GARIN1A: variants seen among roughly 807,000 people sequenced by gnomAD.
GARIN1A encodes Golgi-associated RAB2 interactor protein 1A.
chr7:128,677,019 C>T, the GARIN1A span, among the ~76,000 whole-genome samples: 5 of 151,580 alleles, frequency 3.3e-5, no homozygotes, highest in South Asian at 6.3e-4. Flanking sequence ...CCAAAAAATA[C>T]CAAAAAAATT....
the GARIN1A span, among the ~76,000 whole-genome samples, chr7:128,678,507 A>T: frequency 1.3e-5 from 2 of 152,018 alleles, no homozygotes; most frequent in African/African-American, 4.8e-5. Context: ...CTCACCAATC[A>T]TATGAGTGTC....
At chr7:128,705,930 C>A in the GARIN1A span, among the ~76,000 whole-genome samples, 1 of 152,052 alleles carries the variant, frequency 6.6e-6, no homozygotes, top group Non-Finnish European at 1.5e-5. Context: ...GTTGGGATTA[C>A]AGGTGTGAGC....
At chr7:128,672,658 C>CG in the GARIN1A span, 4 of 117,064 alleles carry the variant, frequency 3.4e-5, no homozygotes, top group East Asian at 3.6e-4. Context: ...GAGGGGGGGG[C>CG]GGGGGGACAA....
the GARIN1A span, among the ~76,000 whole-genome samples, chr7:128,688,789 C>CTCCT: frequency 2.0e-5 from 1 of 49,108 alleles, no homozygotes; most frequent in African/African-American, 6.5e-5. Flanking sequence ...CCTCCCCCTC[C>CTCCT]CCCCTCCCTC....
At chr7:128,672,316 A>G in the GARIN1A span, 4 of 1,222,234 alleles carry the variant, frequency 3.3e-6, no homozygotes, top group Non-Finnish European at 4.6e-6. Flanking sequence ...AGGTGGGGGC[A>G]GATCACATCA....
At chr7:128,704,900 C>T in the GARIN1A span, among the ~76,000 whole-genome samples, 1 of 152,154 alleles carries the variant, frequency 6.6e-6, no homozygotes. Flanking sequence ...AATTCTGAAA[C>T]TACATTACAT....
At chr7:128,690,615 A>G in the GARIN1A span, 1 of 152,102 alleles carries the variant, frequency 6.6e-6, no homozygotes, top group African/African-American at 2.4e-5. Context: ...TCATACATGC[A>G]ATTAAAAATT....
At chr7:128,688,328 C>G in the GARIN1A span, among the ~76,000 whole-genome samples, 1 of 152,118 alleles carries the variant, frequency 6.6e-6, no homozygotes, top group Non-Finnish European at 1.5e-5. Context: ...TTCTTCCTTA[C>G]CTTTGTATCA....
At chr7:128,677,424 G>T in the GARIN1A span, 4 of 912,714 alleles carry the variant, frequency 4.4e-6, no homozygotes, top group Non-Finnish European at 6.1e-6. Flanking sequence ...GGAGAATGGC[G>T]TGAACCCCGG....
At chr7:128,706,485 A>T in the GARIN1A span, among the ~76,000 whole-genome samples, 1 of 149,290 alleles carries the variant, frequency 6.7e-6, no homozygotes, top group African/African-American at 2.5e-5. Context: ...ATATATCTCC[A>T]TCTCTCTCTC....
chr7:128,682,943 A>C, the GARIN1A span: 4 of 1,543,548 alleles, frequency 2.6e-6, no homozygotes, highest in Non-Finnish European at 3.5e-6. Flanking sequence ...AATAACCCCA[A>C]AATTCCCTGG....
chr7:128,702,808 CT>C, the GARIN1A span, among the ~76,000 whole-genome samples: 1 of 152,104 alleles, frequency 6.6e-6, no homozygotes, highest in African/African-American at 2.4e-5. Context: ...TACAAGAAAT[CT>C]TTTTTAAAAA....
chr7:128,689,581 G>C, the GARIN1A span, among the ~76,000 whole-genome samples: 1 of 147,510 alleles, frequency 6.8e-6, no homozygotes, highest in Non-Finnish European at 1.5e-5. Context: ...GAGAAGTGAG[G>C]AGCCCCTCCG....
At chr7:128,679,412 C>T in the GARIN1A span, among the ~76,000 whole-genome samples, 9 of 152,104 alleles carry the variant, frequency 5.9e-5, no homozygotes, top group Admixed American at 3.9e-4. Context: ...AGGATGGTCT[C>T]GATCTCTTGA....
At chr7:128,700,258 G>GTTTGT in the GARIN1A span, among the ~76,000 whole-genome samples, 2 of 149,040 alleles carry the variant, frequency 1.3e-5, no homozygotes, top group Admixed American at 6.7e-5. Context: ...ATTTAGTAAG[G>GTTTGT]TTTGTTTTGT....
the GARIN1A span, among the ~76,000 whole-genome samples, chr7:128,700,480 A>C: frequency 6.6e-6 from 1 of 151,922 alleles, no homozygotes; most frequent in East Asian, 1.9e-4. Flanking sequence ...GGGTTTCACT[A>C]TGTTGGCCAG....
At chr7:128,692,531 C>T in the GARIN1A span, among the ~76,000 whole-genome samples, 1 of 152,168 alleles carries the variant, frequency 6.6e-6, no homozygotes, top group Non-Finnish European at 1.5e-5. Context: ...GTTAATTATG[C>T]TCCACCAGGA....
chr7:128,700,576 G>A, the GARIN1A span, among the ~76,000 whole-genome samples: 3,021 of 152,190 alleles, frequency 0.02, 46 homozygotes, highest in South Asian at 0.053. Flanking sequence ...CACGGTGCCC[G>A]GCCTTAGTAA....
the GARIN1A span, among the ~76,000 whole-genome samples, chr7:128,676,136 G>T: frequency 2.0e-5 from 3 of 150,928 alleles, no homozygotes; most frequent in Non-Finnish European, 4.4e-5. Flanking sequence ...TCACCGAGTA[G>T]CTGGGACTAC....
Sources: gnomAD v4.1 joint callset for allele counts (sites outside exome capture counted in the v4.1 genomes callset) on GRCh38, gnomAD v4.1.1 for gene constraint, MANE v1.5 for transcripts, NCBI Gene and HGNC (gene_info 2026-07-23, HGNC 2026-07-21) for gene names.